FRA10AC1: variants seen among roughly 807,000 people sequenced by gnomAD.
FRA10AC1 encodes protein FRA10AC1.
In FRA10AC1, 43 loss-of-function variants were observed where a neutral mutation model predicts 56.5. That is an observed-to-expected ratio of 0.76 (90% CI 0.60 to 0.98). The LOEUF is 0.98. FRA10AC1 is among the 50% of genes least tolerant of loss of function. The probability of loss-of-function intolerance (pLI) is 0.00; values close to 1 mark genes in which losing one functional copy is unlikely to be tolerated. For synonymous variants in FRA10AC1, 112 were observed against 110.5 expected (o/e 1.01, Z -0.09); for missense variants, 346 against 351.8 (o/e 0.98, Z 0.13).
chr10:93,681,339 A>G, intron 11 of FRA10AC1, 141 bp downstream of exon 11: 1 of 580,614 alleles, frequency 1.7e-6, no homozygotes. Flanking sequence ...TTAAGTTCAT[A>G]TCTAAATTCT....
intron 11 of FRA10AC1, among the ~76,000 whole-genome samples, chr10:93,679,913 T>G (rs914149781): frequency 6.6e-6 from 1 of 152,200 alleles, no homozygotes; most frequent in African/African-American, 2.4e-5. Context: ...ACATAAATAA[T>G]AAGGGGAAAG....
chr10:93,697,410 A>AG (rs1331212698), intron 4 of FRA10AC1, among the ~76,000 whole-genome samples: 7 of 152,238 alleles, frequency 4.6e-5, no homozygotes, highest in African/African-American at 1.4e-4. Flanking sequence ...GATTACAGGT[A>AG]GGGGGCGTAT....
chr10:93,696,204 A>C (rs1429839865), intron 4 of FRA10AC1, among the ~76,000 whole-genome samples: 1 of 152,232 alleles, frequency 6.6e-6, no homozygotes, highest in Non-Finnish European at 1.5e-5. Flanking sequence ...GTATGACATG[A>C]TAGCGAGTTC....
intron 10 of FRA10AC1, among the ~76,000 whole-genome samples, chr10:93,683,224 C>T (rs1211986153): frequency 6.6e-6 from 1 of 152,124 alleles, no homozygotes; most frequent in Non-Finnish European, 1.5e-5. Context: ...CAAGAAGAAG[C>T]CTAGTAAGCG....
At chr10:93,672,178 T>TA (rs1310096955) in intron 12 of FRA10AC1, 1 of 372,712 alleles carries the variant, frequency 2.7e-6, no homozygotes, top group African/African-American at 2.2e-5. Flanking sequence ...ATTGATTTGT[T>TA]ACGGTAGTTC....
chr10:93,696,338 C>T (rs2059234910), intron 4 of FRA10AC1, among the ~76,000 whole-genome samples: 1 of 152,114 alleles, frequency 6.6e-6, no homozygotes, highest in Non-Finnish European at 1.5e-5. Context: ...ACCAAATGAC[C>T]AAGAGTCAGC....
chr10:93,669,830 A>T lies in FRA10AC1; in HGVS notation c.944T>A (p.Leu315Gln), dbSNP rs2058733432. Residue 315 changes from leucine to glutamine, a missense_variant, in exon 14 of 14, where the codon CTA (leucine) becomes CAA (glutamine). Transcript: ENST00000359204. ...CGGAGGCTTCTCTCTCTCGTCTCATAGAAACAAATCCTGAAAATACTCATC... is the reference window on the plus strand; with the variant it reads ...CGGAGGCTTCTCTCTCTCGTCTCATTGAAACAAATCCTGAAAATACTCATC... ...EFDEYFQDLF[L>Q] The T allele has an allele frequency of 2.5e-6, 4 of 1,580,750 alleles. No individual in the cohort carries two copies. The Admixed American group carries it at 7.0e-5, about 28-fold the overall frequency.
chr10:93,687,973 T>A (rs1387793614), intron 7 of FRA10AC1: 1 of 152,154 alleles, frequency 6.6e-6, no homozygotes, highest in African/African-American at 2.4e-5. Flanking sequence ...TATGAAACAC[T>A]TAGAATAGTA....
chr10:93,669,175 T>C lies in FRA10AC1; in HGVS notation c.*651A>G, dbSNP rs1253709289. The C allele has an allele frequency of 6.6e-6, 1 of 152,080 alleles. No individual in the cohort carries two copies. Among genetic ancestry groups the C allele is most frequent in the Non-Finnish European group, 1.5e-5 (1 of 68,064 alleles). The allele number at this position is 152,080 out of a possible 1,614,324, so 9.4% of individuals were successfully genotyped here. ...AAAAACCTCAAAAAGCAGCTGGAAA[T>C]AGGTGGTAATGGGAGAGCAGGTACT... On this transcript the variant is annotated 3_prime_UTR_variant, in exon 14 of 14. Transcript: ENST00000359204.
chr10:93,697,891 T>C (rs536367206), intron 4 of FRA10AC1, among the ~76,000 whole-genome samples: 9 of 152,324 alleles, frequency 5.9e-5, no homozygotes, highest in South Asian at 2.1e-4. Flanking sequence ...TGCAGATTCA[T>C]GTACTTTATA....
chr10:93,695,641 T>C (rs891003790), intron 4 of FRA10AC1, among the ~76,000 whole-genome samples: 5 of 152,018 alleles, frequency 3.3e-5, no homozygotes, highest in Non-Finnish European at 5.9e-5. Context: ...ATTAAACATG[T>C]ATAGTGATTT....
intron 7 of FRA10AC1, among the ~76,000 whole-genome samples, chr10:93,690,171 A>G (rs548037931): frequency 6.6e-6 from 1 of 152,114 alleles, no homozygotes; most frequent in African/African-American, 2.4e-5. Flanking sequence ...TAGTGAGGGA[A>G]CCAAAGGCAT....
chr10:93,693,694 T>C (rs1353172865), intron 5 of FRA10AC1, among the ~76,000 whole-genome samples: 3 of 144,432 alleles, frequency 2.1e-5, no homozygotes, highest in African/African-American at 7.6e-5. Flanking sequence ...ATATATACCA[T>C]ATATATATAC....
At chr10:93,700,158 AG>A (rs752497004) in intron 1 of FRA10AC1, 52 bp from the exon 2 acceptor site, 11 of 1,005,762 alleles carry the variant, frequency 1.1e-5, no homozygotes, top group Middle Eastern at 2.1e-4. Flanking sequence ...CCAATTGTCC[AG>A]GAAACAATAA....
At chr10:93,693,640 C>CACACCATATATACACACCATATATATAT (rs1564820374) in intron 5 of FRA10AC1, among the ~76,000 whole-genome samples, 1 of 58,824 alleles carries the variant, frequency 1.7e-5, no homozygotes, top group Non-Finnish European at 6.2e-5. Flanking sequence ...CATATATATA[C>CACACCATATATACACACCATATATATAT]ACACCATATA....
intron 10 of FRA10AC1, among the ~76,000 whole-genome samples, chr10:93,682,163 T>C (rs1420039010): frequency 6.6e-6 from 1 of 152,208 alleles, no homozygotes; most frequent in Non-Finnish European, 1.5e-5. Context: ...TTATCTCTTC[T>C]AGAGCAGGTT....
intron 11 of FRA10AC1, 140 bp downstream of exon 11, chr10:93,681,340 T>A: frequency 1.7e-6 from 1 of 583,048 alleles, no homozygotes; most frequent in Non-Finnish European, 2.9e-6. Context: ...TAAGTTCATA[T>A]CTAAATTCTC....
chr10:93,693,528 CA>C (rs1564820231), intron 5 of FRA10AC1, among the ~76,000 whole-genome samples: 222 of 10,252 alleles, frequency 0.022, 11 homozygotes, highest in African/African-American at 0.068. Context: ...TATATATATA[CA>C]CCATATATAT....
chr10:93,683,387 T>C (rs950024754), intron 10 of FRA10AC1, among the ~76,000 whole-genome samples: 9 of 152,046 alleles, frequency 5.9e-5, no homozygotes, highest in African/African-American at 2.2e-4. Context: ...AGTTTTGCTC[T>C]GTTGCTAGGC....
Sources: allele counts gnomAD v4.1 joint callset (sites outside exome capture counted in the v4.1 genomes callset), GRCh38; gene constraint gnomAD v4.1.1; transcripts MANE v1.5; gene names NCBI Gene and HGNC (gene_info 2026-07-23, HGNC 2026-07-21).